Variants in TAS2R1 observed in about 807,000 individuals in gnomAD.
TAS2R1 encodes the protein taste 2 receptor member 1, also known as taste receptor type 2 member 1.
For synonymous variants in TAS2R1, 141 were observed against 134.2 expected (o/e 1.05, Z -0.35); for missense variants, 370 against 353.4 (o/e 1.05, Z -0.38).
intron 1 of TAS2R1, among the ~76,000 whole-genome samples, chr5:9,711,080 C>A (rs1379207469): frequency 2.0e-5 from 3 of 151,390 alleles, no homozygotes; most frequent in African/African-American, 4.9e-5. Flanking sequence ...TAAAATGATG[C>A]AGCCTCTATG....
At chr5:9,886,941 C>T in the TAS2R1 span, among the ~76,000 whole-genome samples, 2 of 152,152 alleles carry the variant, frequency 1.3e-5, no homozygotes, top group Admixed American at 1.3e-4. Context: ...GGCGATGGCC[C>T]TTAACACCAC....
chr5:9,703,790 G>C (rs1173627430), intron 1 of TAS2R1, among the ~76,000 whole-genome samples: 3 of 152,164 alleles, frequency 2.0e-5, no homozygotes, highest in African/African-American at 7.2e-5. Context: ...CAGTTGGAGT[G>C]GATAAGGAGG....
chr5:9,713,263 A>G (rs995322949), upstream of TAS2R1: 1 of 152,222 alleles, frequency 6.6e-6, no homozygotes, highest in Non-Finnish European at 1.5e-5. Context: ...CCAACGTGTT[A>G]TTACTGAGGA....
At chr5:9,834,801 G>A in the TAS2R1 span, among the ~76,000 whole-genome samples, 1 of 151,052 alleles carries the variant, frequency 6.6e-6, no homozygotes, top group African/African-American at 2.4e-5. Context: ...TTGTAGTCCA[G>A]GCACTTGGAG....
chr5:9,638,491 C>A (rs746180188), intron 2 of TAS2R1, among the ~76,000 whole-genome samples: 10 of 152,208 alleles, frequency 6.6e-5, no homozygotes, highest in Non-Finnish European at 1.3e-4. Context: ...TAGGTGTTGT[C>A]TTCTCCTTCC....
the TAS2R1 span, among the ~76,000 whole-genome samples, chr5:9,860,633 CT>C: frequency 2.0e-5 from 3 of 151,822 alleles, no homozygotes; most frequent in African/African-American, 7.3e-5. Flanking sequence ...AGCCTTCAGC[CT>C]GGGATGTAGG....
intron 1 of TAS2R1, among the ~76,000 whole-genome samples, chr5:9,661,131 G>C (rs755598288): frequency 1.3e-5 from 2 of 152,152 alleles, no homozygotes; most frequent in Non-Finnish European, 2.9e-5. Context: ...TTGGTCATTT[G>C]TTATGGCAGC....
At chr5:9,896,934 C>A in the TAS2R1 span, among the ~76,000 whole-genome samples, 1 of 152,194 alleles carries the variant, frequency 6.6e-6, no homozygotes. Flanking sequence ...CCCAAGAAGT[C>A]ATCCAGGAGA....
At chr5:9,852,648 A>G in the TAS2R1 span, among the ~76,000 whole-genome samples, 1 of 152,200 alleles carries the variant, frequency 6.6e-6, no homozygotes, top group Non-Finnish European at 1.5e-5. Context: ...TCTGTCTCAG[A>G]TGTAATACAT....
rs138005692 is a variant in TAS2R1, at chr5:9,680,223, T to C, written c.-241-20642A>G. ...TATAACCCAAAGCATATAATAAATA[T>C]TCATGAGGCCGAAGAGGTGTAAATA... On this transcript the variant is annotated intron_variant, in intron 1 of 2. Coordinates refer to the TAS2R1 transcript ENST00000506620. Among the ~76,000 whole-genome samples the C allele has an allele frequency of 1.4e-3, 215 of 152,238 alleles. 4 individuals are homozygous for C. Among genetic ancestry groups the C allele is most frequent in the Middle Eastern group, 0.014 (4 of 290 alleles).
chr5:9,903,251 T>G, the TAS2R1 span, among the ~76,000 whole-genome samples: 1 of 152,176 alleles, frequency 6.6e-6, no homozygotes, highest in East Asian at 1.9e-4. Context: ...TACAAGTAAG[T>G]GAGAACATGT....
chr5:9,693,943 T>G (rs938317635), intron 1 of TAS2R1, among the ~76,000 whole-genome samples: 1 of 152,212 alleles, frequency 6.6e-6, no homozygotes, highest in South Asian at 2.1e-4. Context: ...CTGGCTATTA[T>G]AACGCAATAA....
At chr5:9,837,359 G>A in the TAS2R1 span, among the ~76,000 whole-genome samples, 1 of 152,192 alleles carries the variant, frequency 6.6e-6, no homozygotes, top group African/African-American at 2.4e-5. Flanking sequence ...CCCTTAACTA[G>A]AAGAGAGGGT....
At chr5:9,715,480 T>C (rs1212337566), upstream of TAS2R1, among the ~76,000 whole-genome samples, 1 of 152,198 alleles carries the variant, frequency 6.6e-6, no homozygotes, top group African/African-American at 2.4e-5. Flanking sequence ...ATACAGCTTA[T>C]TGATTTATTT....
intron 1 of TAS2R1, among the ~76,000 whole-genome samples, chr5:9,688,699 C>T (rs1741175276): frequency 6.6e-6 from 1 of 152,292 alleles, no homozygotes. Context: ...GGGCCATGCA[C>T]AGAACAGGGC....
chr5:9,746,364 C>T, the TAS2R1 span, among the ~76,000 whole-genome samples: 7 of 152,150 alleles, frequency 4.6e-5, no homozygotes, highest in Non-Finnish European at 1.0e-4. Context: ...GTAGTGATTC[C>T]TCAAGGATCT....
At chr5:9,741,251 G>C in the TAS2R1 span, among the ~76,000 whole-genome samples, 3 of 152,146 alleles carry the variant, frequency 2.0e-5, no homozygotes, top group African/African-American at 2.4e-5. Context: ...GGGACTCCCA[G>C]AGATCCGCTA....
chr5:9,702,608 G>C (rs181036795), intron 1 of TAS2R1, among the ~76,000 whole-genome samples: 140 of 152,322 alleles, frequency 9.2e-4, no homozygotes, highest in African/African-American at 3.1e-3. Context: ...GAGTTAAATA[G>C]TTACTGTTTC....
At chr5:9,790,560 GA>G in the TAS2R1 span, among the ~76,000 whole-genome samples, 662 of 152,094 alleles carry the variant, frequency 4.4e-3, 5 homozygotes, top group African/African-American at 0.015. Flanking sequence ...TGTAAAAAAA[GA>G]AAAAAAGTAT....
Sources: gnomAD v4.1 joint callset for allele counts (sites outside exome capture counted in the v4.1 genomes callset) on GRCh38, gnomAD v4.1.1 for gene constraint, MANE v1.5 for transcripts, NCBI Gene and HGNC (gene_info 2026-07-23, HGNC 2026-07-21) for gene names.